KIF3A: variants seen among roughly 807,000 people sequenced by gnomAD.
The protein encoded by KIF3A is kinesin family member 3A, also known as kinesin-like protein KIF3A.
Under a neutral mutation model 92.6 loss-of-function variants are expected in KIF3A, and 27 were observed. The observed-to-expected ratio is 0.29, with a 90% confidence interval of 0.21 to 0.40. KIF3A has a LOEUF of 0.40. KIF3A is among the 10% of genes least tolerant of loss of function. The pLI, the probability that KIF3A is intolerant of heterozygous loss-of-function variation, is 1.00. For missense variants in KIF3A, 581 were observed against 872.6 expected (o/e 0.67, Z 4.21); for synonymous variants, 250 against 275.4 (o/e 0.91, Z 0.92).
Position 132,702,127 on chromosome 5 carries a change from T to C in KIF3A, c.1844A>G (p.Gln615Arg), listed in dbSNP as rs1193215426. The C allele has an allele frequency of 1.9e-6, 3 of 1,613,846 alleles. No individual in the cohort carries two copies. The highest frequency in any genetic ancestry group is 2.5e-6 in the Non-Finnish European group (3 of 1,179,762). The change falls in exon 15 of 19, where the codon CAG becomes CGG. Residue 615 changes from glutamine (Q) to arginine (R), a missense_variant. Transcript: ENST00000403231. The stretch of plus-strand genomic sequence containing the variant: ...TATAAAGTTATCAATAATAAGCATC[T>C]GAAGTCGAAGCTCCCGGCTAAGTTG... ...IRQLSRELRLQMLIIDNFIPR... is the reference protein window; with the variant it reads ...IRQLSRELRLRMLIIDNFIPR...
chr5:132,703,616 T>A lies in KIF3A; in HGVS notation c.1313A>T (p.Lys438Ile). Residue 438 changes from lysine (K) to isoleucine (I), a missense_variant, in exon 12 of 19, where the codon AAA (lysine) becomes ATA (isoleucine). This residue lies in a region of KIF3A where 167 missense variants were observed against 205.8 expected (regional missense o/e 0.81). Transcript: ENST00000403231. ...CATCTTGTCTGGGGAGACTTTCTTT[T>A]TTCCTATTTGAATCATTTAATTGCA... ...LDKFLPNQAG[K>I]KKVSPDKMIE... is the part of the protein sequence containing the mutation. 6.3e-7 allele frequency: 1 copy of A among 1,598,440 alleles called. No individual in the cohort carries two copies. The highest frequency in any genetic ancestry group is 8.5e-7 in the Non-Finnish European group (1 of 1,174,016).
chr5:132,699,416 A>G lies in KIF3A; in HGVS notation c.2008-121T>C, dbSNP rs1752950517. ...AACCCACAGAAGCTAAAACCAAAGA[A>G]ATGTCTAATGACATCATCTTCTAAT... On this transcript the variant is annotated intron_variant, in intron 17 of 18. Transcript: ENST00000403231. 4 of 912,084 alleles carry G rather than the reference A, an allele frequency of 4.4e-6. No homozygotes were observed. In the Admixed American group the frequency reaches 9.4e-5, roughly 21 times the overall value. The allele number at this position is 912,084 out of a possible 1,614,324, so 56.5% of individuals were successfully genotyped here.
At position 132,702,168 on chromosome 5, in the gene KIF3A, T is replaced by C. The variant is rs1277241671; in HGVS notation, c.1803A>G (p.Leu601=). 6.2e-7 allele frequency: 1 copy of C among 1,613,746 alleles called. No individual in the cohort carries two copies. The highest frequency in any genetic ancestry group is 1.7e-5 in the Admixed American group (1 of 60,004). The change falls in exon 15 of 19, where the codon CTA becomes CTG. Residue 601 remains leucine (L), a synonymous_variant. Coordinates refer to ENST00000403231, the MANE Select transcript of KIF3A (RefSeq NM_001300791.2). ...GGCTAAGTTGCCGAATGTTCTCCAG[T>C]AGGCCTTCAATTTCCCTCTGATGTT... ...QQEHQREIEG[L]LENIRQLSRE...
At chr5:132,711,190 C>T (rs1018779676) in intron 8 of KIF3A, 133 bp from the exon 9 acceptor site, 1 of 734,012 alleles carries the variant, frequency 1.4e-6, no homozygotes, top group Non-Finnish European at 2.3e-6. Context: ...TTTAAATGCT[C>T]CTAGAAAGTA....
At position 132,693,796 on chromosome 5, in the gene KIF3A, T is replaced by A. The variant is rs1252471524; in HGVS notation, c.*2838A>T. On this transcript the variant is annotated 3_prime_UTR_variant, in exon 19 of 19. Coordinates refer to ENST00000403231, the MANE Select transcript of KIF3A (RefSeq NM_001300791.2). ...GGTGAGACCAGCCTGGCCAACATGGTGAAACCCGGTCTCTACTAAAAAAAA... is the reference window on the plus strand; with the variant it reads ...GGTGAGACCAGCCTGGCCAACATGGAGAAACCCGGTCTCTACTAAAAAAAA... 1 of 150,262 alleles carries A rather than the reference T, an allele frequency of 6.7e-6. No homozygotes were observed. Among genetic ancestry groups the A allele is most frequent in the African/African-American group, 2.5e-5 (1 of 40,744 alleles). The allele number at this position is 150,262 out of a possible 1,614,324, so 9.3% of individuals were successfully genotyped here.
intron 8 of KIF3A, among the ~76,000 whole-genome samples, chr5:132,713,520 C>A (rs1287647740): frequency 6.6e-6 from 1 of 151,890 alleles, no homozygotes; most frequent in Non-Finnish European, 1.5e-5. Flanking sequence ...ATGATCAACT[C>A]CATTAACTAG....
intron 6 of KIF3A, among the ~76,000 whole-genome samples, 178 bp downstream of exon 6, chr5:132,716,667 T>C (rs1047517720): frequency 6.6e-6 from 1 of 152,210 alleles, no homozygotes; most frequent in Non-Finnish European, 1.5e-5. Flanking sequence ...GGGATCACTA[T>C]ACTATTCTAT....
Position 132,702,128 on chromosome 5 carries a change from G to A in KIF3A, c.1843C>T (p.Gln615Ter). 1 of 1,613,792 alleles carries A rather than the reference G, an allele frequency of 6.2e-7. No individual in the cohort carries two copies. ...IRQLSRELRL[Q>*]MLIIDNFIPR... ...ATAAAGTTATCAATAATAAGCATCTGAAGTCGAAGCTCCCGGCTAAGTTGC... is the reference window on the plus strand; with the variant it reads ...ATAAAGTTATCAATAATAAGCATCTAAAGTCGAAGCTCCCGGCTAAGTTGC... The change falls in exon 15 of 19, where the codon CAG becomes TAG. Residue 615 changes from glutamine (Q) to a stop codon, truncating the protein, a stop_gained. Transcript: ENST00000403231. LOFTEE classifies it high-confidence loss of function.
chr5:132,733,573 G>C (rs140272993), intron 2 of KIF3A, among the ~76,000 whole-genome samples: 112 of 152,304 alleles, frequency 7.4e-4, no homozygotes, highest in African/African-American at 2.6e-3. Context: ...TTCAAGACCT[G>C]ACTGAGCAAC....
chr5:132,706,810 G>A (rs937912300), intron 10 of KIF3A, among the ~76,000 whole-genome samples: 40 of 152,282 alleles, frequency 2.6e-4, no homozygotes, highest in Middle Eastern at 3.4e-3. Flanking sequence ...ATGGAATTAG[G>A]AACCTGCTAA....
At chr5:132,715,644 A>G (rs1012459703) in intron 8 of KIF3A, 113 bp downstream of exon 8, 1 of 675,678 alleles carries the variant, frequency 1.5e-6, no homozygotes, top group African/African-American at 1.9e-5. Context: ...TCATTTAACT[A>G]CCAATGTTAG....
At chr5:132,691,369 G>GA (rs1452156826), downstream of KIF3A, among the ~76,000 whole-genome samples, 7 of 151,870 alleles carry the variant, frequency 4.6e-5, no homozygotes, top group Non-Finnish European at 8.8e-5. Flanking sequence ...CCAACATGGA[G>GA]AAACACCGTC....
At chr5:132,710,531 G>A (rs963084965) in intron 9 of KIF3A, among the ~76,000 whole-genome samples, 2 of 152,134 alleles carry the variant, frequency 1.3e-5, no homozygotes, top group Non-Finnish European at 1.5e-5. Flanking sequence ...CAGGAGAATC[G>A]CTTCAACCTG....
At chr5:132,710,279 T>G (rs1015211969) in intron 9 of KIF3A, among the ~76,000 whole-genome samples, 4 of 152,164 alleles carry the variant, frequency 2.6e-5, no homozygotes, top group African/African-American at 9.7e-5. Flanking sequence ...TAAAGACTAA[T>G]CTTGTTTGTG....
At chr5:132,701,742 T>TACAC (rs142613533) in intron 15 of KIF3A, among the ~76,000 whole-genome samples, 2 of 151,428 alleles carry the variant, frequency 1.3e-5, no homozygotes, top group African/African-American at 4.9e-5. Context: ...TTTTACCATA[T>TACAC]ACACACACAC....
intron 8 of KIF3A, among the ~76,000 whole-genome samples, chr5:132,713,101 A>G (rs557243732): frequency 6.6e-6 from 1 of 152,256 alleles, no homozygotes; most frequent in Admixed American, 6.5e-5. Context: ...AGGTTGCAGT[A>G]AGCTGAGACT....
intron 5 of KIF3A, among the ~76,000 whole-genome samples, chr5:132,717,568 T>C (rs1225359909): frequency 2.7e-5 from 4 of 150,076 alleles, no homozygotes; most frequent in Non-Finnish European, 5.9e-5. Context: ...CGTGGAAAAA[T>C]GTCCATAACA....
In KIF3A at chr5:132,711,824, G is replaced by T. The variant is rs574817336; in HGVS notation, c.1130-767C>A. On this transcript the variant is annotated intron_variant, in intron 8 of 18. Coordinates refer to ENST00000403231, the MANE Select transcript of KIF3A (RefSeq NM_001300791.2). Reference sequence around the variant, plus strand: ...TCCCACTTTTAGGACTGTATCACAAGATATTTTCAAAAAAAGAAGTGCTTA... The same window carrying T: ...TCCCACTTTTAGGACTGTATCACAATATATTTTCAAAAAAAGAAGTGCTTA... Among the ~76,000 whole-genome samples, 138 of 152,092 alleles carry T rather than the reference G, an allele frequency of 9.1e-4. 3 individuals are homozygous for T. The South Asian group carries it at 0.026, about 29-fold the overall frequency.
At chr5:132,702,820 C>A in intron 13 of KIF3A, 65 bp downstream of exon 13, 2 of 1,491,698 alleles carry the variant, frequency 1.3e-6, no homozygotes, top group African/African-American at 1.4e-5. Flanking sequence ...AGATATTTAG[C>A]TTTCCACTAG....
Sources: allele counts gnomAD v4.1 joint callset (sites outside exome capture counted in the v4.1 genomes callset), GRCh38; gene constraint gnomAD v4.1.1; regional missense constraint gnomAD v4.1.1; transcripts MANE v1.5; gene names NCBI Gene and HGNC (gene_info 2026-07-23, HGNC 2026-07-21).